The following SFPQ variants were observed in gnomAD, a reference collection of about 807,000 sequenced individuals.
The protein encoded by SFPQ is splicing factor proline and glutamine rich.
A neutral mutation model predicts 72.9 loss-of-function variants in SFPQ; 11 were observed. The observed-to-expected ratio is 0.15, with a 90% CI of 0.09 to 0.25. The LOEUF is 0.25. SFPQ is among the 10% of genes least tolerant of loss of function. SFPQ has a pLI of 1.00. For synonymous variants in SFPQ, 506 were observed against 367.3 expected (o/e 1.38, Z -4.32); for missense variants, 847 against 993.3 (o/e 0.85, Z 1.98).
chr1:35,190,448 A>T, intron 4 of SFPQ, 50 bp downstream of exon 4: 1 of 1,282,288 alleles, frequency 7.8e-7, no homozygotes, highest in Non-Finnish European at 1.1e-6. Flanking sequence ...AAATAAATTT[A>T]ACCTTTACAC....
downstream of SFPQ, chr1:35,180,754 T>C: frequency 1.9e-6 from 2 of 1,061,002 alleles, no homozygotes; most frequent in Non-Finnish European, 2.3e-6. Flanking sequence ...AGAGACTAAT[T>C]ATCACATGCT....
intron 4 of SFPQ, among the ~76,000 whole-genome samples, chr1:35,190,070 A>C (rs1172487698): frequency 6.6e-6 from 1 of 152,150 alleles, no homozygotes; most frequent in South Asian, 2.1e-4. Flanking sequence ...AGATCAGCCT[A>C]GTCAACATGG....
chr1:35,184,153 TA>T lies in SFPQ; in HGVS notation c.*302del, dbSNP rs796763714. The T allele has an allele frequency of 0.1, 75,770 of 726,170 alleles. 9 individuals are homozygous for T. The highest frequency in any genetic ancestry group is 0.12 in the East Asian group (1,787 of 14,574). 45.0% of individuals were successfully genotyped at this position (726,170 alleles called of 1,614,324 possible). A position where few individuals can be genotyped will look rare whatever the true frequency, so the allele number is the denominator to read the frequency against. Reference sequence around the variant, plus strand: ...ATTTTTCTATTTATTTGAAGCACAGTAAAAAAAAAAAAATTGGTACACTTTG... The same window carrying T: ...ATTTTTCTATTTATTTGAAGCACAGTAAAAAAAAAAAATTGGTACACTTTG... On this transcript the variant is annotated 3_prime_UTR_variant, in exon 10 of 10. Coordinates refer to ENST00000357214, the MANE Select transcript of SFPQ (RefSeq NM_005066.3).
Position 35,183,548 on chromosome 1 carries a change from G to T in SFPQ, c.*908C>A. 1 of 1,016,790 alleles carries T rather than the reference G, an allele frequency of 9.8e-7. No homozygotes were observed. The highest frequency in any genetic ancestry group is 1.2e-6 in the Non-Finnish European group (1 of 848,220). The allele number at this position is 1,016,790 out of a possible 1,614,324, so 63.0% of individuals were successfully genotyped here. Reference sequence around the variant, plus strand: ...CTAAACCTTCTTACTTTCAAGTTTTGTTTTTTAGACTACACCCCATCTTTA... The same window carrying T: ...CTAAACCTTCTTACTTTCAAGTTTTTTTTTTTAGACTACACCCCATCTTTA... On this transcript the variant is annotated 3_prime_UTR_variant, in exon 10 of 10. Transcript: ENST00000357214.
chr1:35,183,586 A>G lies in SFPQ; in HGVS notation c.*870T>C. On this transcript the variant is annotated 3_prime_UTR_variant, in exon 10 of 10. Coordinates refer to ENST00000357214, the MANE Select transcript of SFPQ (RefSeq NM_005066.3). ...CACCCCATCTTTATAAATCACTTGA[A>G]TACATGAAAAGACTTCATGTTTAAC... is the stretch of plus-strand genomic sequence containing the variant. The G allele has an allele frequency of 2.9e-6, 3 of 1,023,058 alleles. No individual in the cohort carries two copies. Among genetic ancestry groups the G allele is most frequent in the Non-Finnish European group, 3.5e-6 (3 of 852,144 alleles). 63.4% of individuals were successfully genotyped at this position (1,023,058 alleles called of 1,614,324 possible). A position where few individuals can be genotyped will look rare whatever the true frequency, so the allele number is the denominator to read the frequency against.
intron 6 of SFPQ, among the ~76,000 whole-genome samples, chr1:35,188,574 CAGG>C (rs972502285): frequency 7.9e-5 from 12 of 152,250 alleles, no homozygotes; most frequent in African/African-American, 2.2e-4. Flanking sequence ...CCCAGCTACT[CAGG>C]AGGACTGCTA....
At chr1:35,180,292 C>T (rs1157780989), downstream of SFPQ, 7 of 1,045,694 alleles carry the variant, frequency 6.7e-6, no homozygotes, top group South Asian at 4.6e-5. Context: ...ATGCAAAGTC[C>T]TAAGCAACAA....
rs1026212496 is a variant in SFPQ at position 35,187,397 on chromosome 1, G to C, written c.1816-146C>G. 2.6e-4 allele frequency: 218 copies of C among 834,056 alleles called. No homozygotes were observed. The African/African-American group carries it at 3.3e-3, about 13-fold the overall frequency. 51.7% of individuals were successfully genotyped at this position (834,056 alleles called of 1,614,324 possible). A position where few individuals can be genotyped will look rare whatever the true frequency, so the allele number is the denominator to read the frequency against. On this transcript the variant is annotated intron_variant, in intron 7 of 9. Coordinates refer to ENST00000357214, the MANE Select transcript of SFPQ (RefSeq NM_005066.3). Reference sequence around the variant, plus strand: ...GAATTATTTTTGAAATCAATATTCTGAAAACTAAGTTAGACTCAATTATCC... The same window carrying C: ...GAATTATTTTTGAAATCAATATTCTCAAAACTAAGTTAGACTCAATTATCC...
chr1:35,192,795 A>ATGCGGTGGCGGCTGC lies in SFPQ; in HGVS notation c.240_254dup (p.Gln80_Pro84dup), dbSNP rs756456088. ...GCGGCTGTGGATGCGGCGGCGGCTGATGCGGTGGCGGCTGCTGCGGCGGTG... is the reference window on the plus strand; with the variant it reads ...GCGGCTGTGGATGCGGCGGCGGCTGATGCGGTGGCGGCTGCTGCGGTGGCGGCTGCTGCGGCGGTG... On this transcript the variant is annotated inframe_insertion, in exon 1 of 10. Coordinates refer to ENST00000357214, the MANE Select transcript of SFPQ (RefSeq NM_005066.3). The ATGCGGTGGCGGCTGC allele has an allele frequency of 3.3e-6, 5 of 1,501,002 alleles. No individual in the cohort carries two copies. The highest frequency in any genetic ancestry group is 2.2e-5 in the Admixed American group (1 of 46,134). 93.0% of individuals were successfully genotyped at this position (1,501,002 alleles called of 1,614,324 possible).
At chr1:35,190,446 T>G (rs1639942412) in intron 4 of SFPQ, 52 bp downstream of exon 4, 1 of 1,278,732 alleles carries the variant, frequency 7.8e-7, no homozygotes, top group African/African-American at 1.5e-5. Flanking sequence ...TAAAATAAAT[T>G]TAACCTTTAC....
chr1:35,182,834 T>C (rs1639525877), downstream of SFPQ: 5 of 1,048,676 alleles, frequency 4.8e-6, no homozygotes, highest in East Asian at 2.2e-4. Flanking sequence ...GCTCCCATTA[T>C]ACTAACAGGC....
downstream of SFPQ, chr1:35,179,131 A>G (rs1639365311): frequency 2.8e-6 from 3 of 1,059,272 alleles, no homozygotes; most frequent in African/African-American, 1.6e-5. Context: ...AAAACCAAAT[A>G]AAGGCCCAGA....
chr1:35,187,402 C>G (rs970606129), intron 7 of SFPQ, 151 bp from the exon 8 acceptor site: 1 of 793,788 alleles, frequency 1.3e-6, no homozygotes, highest in South Asian at 1.6e-5. Flanking sequence ...ATTCTGAAAA[C>G]TAAGTTAGAC....
At chr1:35,187,781 A>C (rs1570127513) in intron 7 of SFPQ, among the ~76,000 whole-genome samples, 192 bp downstream of exon 7, 1 of 151,892 alleles carries the variant, frequency 6.6e-6, no homozygotes, top group South Asian at 2.1e-4. Context: ...AAAAACCAAG[A>C]AACAAAACAC....
downstream of SFPQ, chr1:35,179,632 TAAG>T (rs1334717147): frequency 9.5e-7 from 1 of 1,054,862 alleles, no homozygotes; most frequent in Non-Finnish European, 1.1e-6. Flanking sequence ...TTAAAGCTAG[TAAG>T]AACACACTAA....
downstream of SFPQ, chr1:35,180,855 T>C: frequency 2.0e-6 from 2 of 985,304 alleles, no homozygotes; most frequent in Non-Finnish European, 2.4e-6. Context: ...TTCCATGTTA[T>C]CTTCAGTTAC....
chr1:35,179,999 T>C, downstream of SFPQ: 1 of 1,055,228 alleles, frequency 9.5e-7, no homozygotes, highest in African/African-American at 1.6e-5. Context: ...CATCATTTGC[T>C]CTTTCATCTA....
downstream of SFPQ, chr1:35,180,673 G>C: frequency 1.9e-6 from 2 of 1,055,132 alleles, no homozygotes; most frequent in Non-Finnish European, 2.3e-6. Flanking sequence ...AACTCAACTT[G>C]TAGAATTACC....
In SFPQ at chr1:35,183,746, A is replaced by G. The variant is rs953599306; in HGVS notation, c.*710T>C. ...TTTCAAAAGCTTTCAAGTAAAGGAT[A>G]GATCATAGGGCCATAAAAGATCCAT... is the stretch of plus-strand genomic sequence containing the variant. On this transcript the variant is annotated 3_prime_UTR_variant, in exon 10 of 10. Coordinates refer to ENST00000357214, the MANE Select transcript of SFPQ (RefSeq NM_005066.3). 3.8e-6 allele frequency: 4 copies of G among 1,050,642 alleles called. No individual in the cohort carries two copies. The African/African-American group carries it at 6.6e-5, about 17-fold the overall frequency. The allele number at this position is 1,050,642 out of a possible 1,614,324, so 65.1% of individuals were successfully genotyped here. A position where few individuals can be genotyped will look rare whatever the true frequency, so the allele number is the denominator to read the frequency against.
Sources: gnomAD v4.1 joint callset for allele counts (sites outside exome capture counted in the v4.1 genomes callset) on GRCh38, gnomAD v4.1.1 for gene constraint, MANE v1.5 for transcripts, NCBI Gene and HGNC (gene_info 2026-07-23, HGNC 2026-07-21) for gene names.